IPCEF1: variants seen among roughly 807,000 people sequenced by gnomAD.
The protein encoded by IPCEF1 is interaction protein for cytohesin exchange factors 1.
In IPCEF1, 31 loss-of-function variants were observed where a neutral mutation model predicts 50.9. The observed-to-expected ratio is 0.61, with a 90% CI of 0.46 to 0.82. IPCEF1 has a LOEUF of 0.82. IPCEF1 is among the 40% of genes least tolerant of loss of function. The pLI is 0.00. For synonymous variants in IPCEF1, 181 were observed against 192.0 expected, an observed-to-expected ratio of 0.94 and a Z score of 0.47; for missense variants, 458 against 514.0, an observed-to-expected ratio of 0.89 and a Z score of 1.05.
At chr6:154,221,426 T>C (rs1778849455) in intron 6 of IPCEF1, 98 bp from the exon 7 acceptor site, 4 of 888,890 alleles carry the variant, frequency 4.5e-6, no homozygotes, top group Admixed American at 5.0e-5. Flanking sequence ...TGTAAACTTG[T>C]CTGCTTTCTT....
At chr6:154,239,888 AG>A (rs34393436) in intron 5 of IPCEF1, among the ~76,000 whole-genome samples, 1 of 152,042 alleles carries the variant, frequency 6.6e-6, no homozygotes, top group African/African-American at 2.4e-5. Flanking sequence ...TTTTTAGTAG[AG>A]GGGGGTTTCA....
intron 10 of IPCEF1, among the ~76,000 whole-genome samples, chr6:154,172,482 A>T (rs1329450889): frequency 6.6e-6 from 1 of 152,114 alleles, no homozygotes; most frequent in African/African-American, 2.4e-5. Context: ...AGACCAGGAG[A>T]TTCCCTCCCA....
chr6:154,313,863 CCTCCCAAGTAG>C (rs1370387769), intron 1 of IPCEF1, among the ~76,000 whole-genome samples: 1 of 152,122 alleles, frequency 6.6e-6, no homozygotes, highest in Non-Finnish European at 1.5e-5. Flanking sequence ...CCCTTCTCAG[CCTCCCAAGTAG>C]CTGAGACTAC....
chr6:154,214,078 A>G, intron 8 of IPCEF1, 140 bp downstream of exon 8: 1 of 661,936 alleles, frequency 1.5e-6, no homozygotes, highest in Non-Finnish European at 2.8e-6. Flanking sequence ...CTGTCTCCAC[A>G]TATTTTCAGA....
rs149084809 is a variant in IPCEF1 at position 154,349,932 on chromosome 6, G to A, written c.-62+6740C>T. Reference sequence around the variant, plus strand: ...AATGATATTTACCTGTTAAAAGAATGTTGTTCTGCTGGGGATAATCATGTA... The same window carrying A: ...AATGATATTTACCTGTTAAAAGAATATTGTTCTGCTGGGGATAATCATGTA... On this transcript the variant is annotated intron_variant, in intron 1 of 11. Transcript: ENST00000367220. Among the ~76,000 whole-genome samples the A allele has an allele frequency of 3.6e-3, 545 of 152,310 alleles. 2 individuals are homozygous for A. Among genetic ancestry groups the A allele is most frequent in the Middle Eastern group, 0.01 (3 of 294 alleles).
chr6:154,218,501 T>C (rs1198126210), intron 7 of IPCEF1, among the ~76,000 whole-genome samples: 1 of 152,156 alleles, frequency 6.6e-6, no homozygotes, highest in Non-Finnish European at 1.5e-5. Context: ...CAAGGACTCA[T>C]CACTGCAAAC....
intron 1 of IPCEF1, among the ~76,000 whole-genome samples, chr6:154,293,763 G>A (rs36060024): frequency 0.036 from 5,486 of 152,246 alleles, 122 homozygotes; most frequent in Non-Finnish European, 0.042. Context: ...CCCAAGAAAA[G>A]CATTATTCTT....
intron 5 of IPCEF1, among the ~76,000 whole-genome samples, chr6:154,230,408 T>A (rs2128625687): frequency 1.3e-5 from 2 of 152,286 alleles, no homozygotes; most frequent in South Asian, 4.2e-4. Flanking sequence ...CTTTTAGAAA[T>A]TAACTAAAAC....
At chr6:154,303,174 C>A (rs1257269959) in intron 1 of IPCEF1, among the ~76,000 whole-genome samples, 1 of 150,520 alleles carries the variant, frequency 6.6e-6, no homozygotes, top group Non-Finnish European at 1.5e-5. Flanking sequence ...TCACTGCAAC[C>A]TCTGCCTCCC....
At chr6:154,337,677 G>A (rs541538891) in intron 1 of IPCEF1, among the ~76,000 whole-genome samples, 20 of 152,288 alleles carry the variant, frequency 1.3e-4, no homozygotes, top group African/African-American at 4.6e-4. Flanking sequence ...AAGGGGAGGA[G>A]GGAGGAACCA....
intron 1 of IPCEF1, among the ~76,000 whole-genome samples, chr6:154,350,805 C>T (rs910749462): frequency 1.3e-5 from 2 of 152,210 alleles, no homozygotes; most frequent in African/African-American, 2.4e-5. Context: ...ACTGCAGCTT[C>T]AAACTCCTAT....
At chr6:154,180,416 T>A (rs2657571) in intron 10 of IPCEF1, among the ~76,000 whole-genome samples, 11,042 of 49,572 alleles carry the variant, frequency 0.22, 472 homozygotes, top group Non-Finnish European at 0.31. Flanking sequence ...ATATATATAT[T>A]TTTTTTTTAA....
At chr6:154,332,081 A>G (rs988032267) in intron 1 of IPCEF1, among the ~76,000 whole-genome samples, 1 of 152,128 alleles carries the variant, frequency 6.6e-6, no homozygotes, top group Non-Finnish European at 1.5e-5. Flanking sequence ...CTTTCCTCTG[A>G]GGAGGCAAGA....
Position 154,291,902 on chromosome 6 carries a change from C to G in IPCEF1, c.-61-2146G>C, listed in dbSNP as rs1782525906. 2.6e-5 allele frequency among the ~76,000 whole-genome samples: 4 copies of G among 152,148 alleles called. No homozygotes were observed. The South Asian group carries it at 8.3e-4, about 32-fold the overall frequency. On this transcript the variant is annotated intron_variant, in intron 1 of 11. Transcript: ENST00000367220. ...GTTTCACCGTGTTAGCCAGGGTGGT[C>G]TGGATCTCCTGACCTCGTGATCCAC...
intron 10 of IPCEF1, among the ~76,000 whole-genome samples, chr6:154,171,131 T>C (rs140808584): frequency 8.5e-5 from 13 of 152,282 alleles, no homozygotes; most frequent in African/African-American, 2.6e-4. Context: ...CCCAAGAGAA[T>C]TGAAAACATA....
At chr6:154,305,674 T>C (rs1448575984) in intron 1 of IPCEF1, among the ~76,000 whole-genome samples, 1 of 152,142 alleles carries the variant, frequency 6.6e-6, no homozygotes, top group Non-Finnish European at 1.5e-5. Context: ...TTTGAGTCAG[T>C]GGACTGGGAG....
At chr6:154,300,655 C>T (rs987192154) in intron 1 of IPCEF1, among the ~76,000 whole-genome samples, 1 of 151,920 alleles carries the variant, frequency 6.6e-6, no homozygotes, top group Non-Finnish European at 1.5e-5. Context: ...ATAACAACAA[C>T]AAAAAAAGAA....
chr6:154,198,226 C>T (rs1296716634), intron 10 of IPCEF1, among the ~76,000 whole-genome samples: 1 of 152,120 alleles, frequency 6.6e-6, no homozygotes, highest in Non-Finnish European at 1.5e-5. Flanking sequence ...TGACTTGCAC[C>T]ATTGAACTCA....
chr6:154,351,028 T>C (rs775003574), intron 1 of IPCEF1, among the ~76,000 whole-genome samples: 7 of 152,206 alleles, frequency 4.6e-5, no homozygotes, highest in Non-Finnish European at 8.8e-5. Context: ...CCTGGTTTGG[T>C]ATTTTTATCT....
Sources: gnomAD v4.1 joint callset for allele counts (sites outside exome capture counted in the v4.1 genomes callset) on GRCh38, gnomAD v4.1.1 for gene constraint, MANE v1.5 for transcripts, NCBI Gene and HGNC (gene_info 2026-07-23, HGNC 2026-07-21) for gene names.